Variants in ARHGEF3 observed in about 807,000 individuals in gnomAD.
ARHGEF3 encodes the protein 59.8 kDA protein.
In ARHGEF3, 28 loss-of-function variants were observed where a neutral mutation model predicts 63.2. That is an observed-to-expected ratio of 0.44 (90% CI 0.33 to 0.61). ARHGEF3 has a LOEUF of 0.61. Ranked by LOEUF, ARHGEF3 falls within the 20% of genes least tolerant of loss-of-function variation. The pLI is 0.03. For missense variants in ARHGEF3, 533 were observed against 659.3 expected, an observed-to-expected ratio of 0.81 and a Z score of 2.10; for synonymous variants, 266 against 254.2, an observed-to-expected ratio of 1.05 and a Z score of -0.44.
chr3:57,069,796 C>T (rs751217089), intron 1 of ARHGEF3, among the ~76,000 whole-genome samples: 1 of 152,032 alleles, frequency 6.6e-6, no homozygotes. Flanking sequence ...AGACATGTGC[C>T]GTCACACCCA....
At chr3:56,987,017 G>C (rs1047402560) in intron 2 of ARHGEF3, among the ~76,000 whole-genome samples, 1 of 152,188 alleles carries the variant, frequency 6.6e-6, no homozygotes, top group South Asian at 2.1e-4. Context: ...TTCGAGACCT[G>C]CCTGGGTAAG....
intron 1 of ARHGEF3, among the ~76,000 whole-genome samples, chr3:57,036,257 AG>A (rs1208660414): frequency 6.6e-6 from 1 of 152,138 alleles, no homozygotes; most frequent in Non-Finnish European, 1.5e-5. Context: ...AAGAATACAG[AG>A]GGCATCTCCA....
chr3:57,036,956 G>T (rs963083415), intron 1 of ARHGEF3, among the ~76,000 whole-genome samples: 1 of 152,220 alleles, frequency 6.6e-6, no homozygotes, highest in Non-Finnish European at 1.5e-5. Context: ...GGACCTACAG[G>T]ATACCTGGGA....
At chr3:57,009,557 G>GCCAGGAT (rs146545684) in intron 2 of ARHGEF3, among the ~76,000 whole-genome samples, 2,464 of 152,272 alleles carry the variant, frequency 0.016, 78 homozygotes, top group African/African-American at 0.056. Flanking sequence ...TGCTGGACAG[G>GCCAGGAT]CCAGGATGTG....
At chr3:57,034,656 C>CTTTTTTTTT (rs34696155) in intron 2 of ARHGEF3, among the ~76,000 whole-genome samples, 1 of 109,516 alleles carries the variant, frequency 9.1e-6, no homozygotes, top group African/African-American at 3.6e-5. Context: ...ACTCCAAATT[C>CTTTTTTTTT]TTTTTTTTTT....
intron 3 of ARHGEF3, among the ~76,000 whole-genome samples, chr3:56,913,236 T>C (rs2041901690): frequency 6.6e-6 from 1 of 151,788 alleles, no homozygotes; most frequent in African/African-American, 2.4e-5. Flanking sequence ...TGGGATAATA[T>C]ATTTGCATAT....
At chr3:56,943,535 T>C (rs557281472) in intron 3 of ARHGEF3, among the ~76,000 whole-genome samples, 4 of 152,342 alleles carry the variant, frequency 2.6e-5, no homozygotes, top group Non-Finnish European at 5.9e-5. Context: ...AGATTAATGC[T>C]GTTTTCATGC....
chr3:57,040,474 CAAAAGAAAAGAAAAG>C (rs145206230), intron 1 of ARHGEF3, among the ~76,000 whole-genome samples: 1 of 144,524 alleles, frequency 6.9e-6, no homozygotes, highest in Non-Finnish European at 1.5e-5. Flanking sequence ...AAGACTCCGT[CAAAAGAAAAGAAAAG>C]AAAAGAAAAG....
At chr3:56,906,699 G>A (rs1222647069) in intron 3 of ARHGEF3, among the ~76,000 whole-genome samples, 2 of 151,872 alleles carry the variant, frequency 1.3e-5, no homozygotes, top group East Asian at 2.0e-4. Flanking sequence ...AGCTGGGCGT[G>A]GTGGCAGGCC....
chr3:57,028,800 C>G (rs6769806), intron 2 of ARHGEF3, among the ~76,000 whole-genome samples: 62,240 of 151,494 alleles, frequency 0.41, 13,376 homozygotes, highest in Non-Finnish European at 0.47. Flanking sequence ...TGTTTGGAGC[C>G]AATGTATATA....
chr3:56,831,199 A>G (rs2038920256), intron 4 of ARHGEF3, among the ~76,000 whole-genome samples: 1 of 152,252 alleles, frequency 6.6e-6, no homozygotes, highest in Non-Finnish European at 1.5e-5. Context: ...GGCAACAGCT[A>G]TGTTTTAATA....
At chr3:57,017,247 C>T (rs1196294427) in intron 2 of ARHGEF3, among the ~76,000 whole-genome samples, 1 of 152,066 alleles carries the variant, frequency 6.6e-6, no homozygotes, top group African/African-American at 2.4e-5. Flanking sequence ...AGGAGAGAGT[C>T]AGCAGAGGTT....
chr3:56,752,351 C>G (rs1216811021), intron 4 of ARHGEF3, among the ~76,000 whole-genome samples: 1 of 152,200 alleles, frequency 6.6e-6, no homozygotes, highest in African/African-American at 2.4e-5. Flanking sequence ...AGCCACCGGA[C>G]CCGGCTTATG....
At chr3:56,796,898 C>T (rs922091025) in intron 1 of ARHGEF3, among the ~76,000 whole-genome samples, 12 of 152,132 alleles carry the variant, frequency 7.9e-5, no homozygotes, top group Non-Finnish European at 5.9e-5. Flanking sequence ...AAAGGACTTA[C>T]GGTAAAGCCC....
At chr3:56,807,766 A>C (rs1311058599) in intron 4 of ARHGEF3, among the ~76,000 whole-genome samples, 1 of 152,184 alleles carries the variant, frequency 6.6e-6, no homozygotes, top group African/African-American at 2.4e-5. Flanking sequence ...CTAAACTCAT[A>C]CCAGTATTAC....
At chr3:56,827,944 CAA>C (rs11462683) in intron 4 of ARHGEF3, among the ~76,000 whole-genome samples, 1 of 33,818 alleles carries the variant, frequency 3.0e-5, no homozygotes, top group Non-Finnish European at 4.6e-5. Flanking sequence ...GATTCTGTCT[CAA>C]AAAAAAAAAA....
intron 4 of ARHGEF3, among the ~76,000 whole-genome samples, chr3:56,844,294 G>A (rs567522877): frequency 1.3e-5 from 2 of 152,300 alleles, no homozygotes; most frequent in Admixed American, 6.5e-5. Context: ...TATGCTCAAG[G>A]TAAATCCATC....
intron 1 of ARHGEF3, among the ~76,000 whole-genome samples, chr3:56,796,403 T>A (rs1167646618): frequency 1.3e-5 from 2 of 152,180 alleles, no homozygotes; most frequent in Non-Finnish European, 2.9e-5. Flanking sequence ...GCAAAATGAC[T>A]AACAGAACTG....
chr3:56,925,541 T>C (rs2042253041), intron 3 of ARHGEF3, among the ~76,000 whole-genome samples: 1 of 152,212 alleles, frequency 6.6e-6, no homozygotes, highest in Non-Finnish European at 1.5e-5. Context: ...CACTTCATTA[T>C]TAACAACAAT....
Sources: gnomAD v4.1 joint callset for allele counts (sites outside exome capture counted in the v4.1 genomes callset) on GRCh38, gnomAD v4.1.1 for gene constraint, MANE v1.5 for transcripts, NCBI Gene and HGNC (gene_info 2026-07-23, HGNC 2026-07-21) for gene names.